DNAH10: variants seen among roughly 807,000 people sequenced by gnomAD.
DNAH10 encodes dynein axonemal heavy chain 10.
DNAH10 carries 348 observed loss-of-function variants against 506.6 expected under a neutral mutation model. The ratio of observed to expected loss-of-function variants is 0.69; its 90% confidence interval spans 0.63 to 0.75. DNAH10 has a LOEUF of 0.75. Among genes scored for constraint, DNAH10 ranks in the 30% least tolerant of loss-of-function variants. The pLI is 0.00. For synonymous variants in DNAH10, 2,059 were observed against 2,198.6 expected, an observed-to-expected ratio of 0.94 and a Z score of 1.78; for missense variants, 5,179 against 5,787.1, an observed-to-expected ratio of 0.89 and a Z score of 3.41.
At chr12:123,884,834 T>C (rs1463882546) in intron 51 of DNAH10, among the ~76,000 whole-genome samples, 2 of 152,144 alleles carry the variant, frequency 1.3e-5, no homozygotes, top group African/African-American at 4.8e-5. Flanking sequence ...CAGAAGCGTC[T>C]AAAAAAATAA....
intron 54 of DNAH10, among the ~76,000 whole-genome samples, chr12:123,896,195 A>AGT (rs1953236264): frequency 6.9e-6 from 1 of 144,008 alleles, no homozygotes; most frequent in Non-Finnish European, 1.5e-5. Flanking sequence ...AGAGAGAGAG[A>AGT]ATATATTCCC....
intron 1 of DNAH10, among the ~76,000 whole-genome samples, chr12:123,766,030 ATC>A (rs1205430767): frequency 6.6e-6 from 1 of 151,928 alleles, no homozygotes; most frequent in Non-Finnish European, 1.5e-5. Flanking sequence ...CTATACATCT[ATC>A]TCTGTCTATA....
intron 51 of DNAH10, chr12:123,882,115 C>G (rs951577964): frequency 7.7e-6 from 2 of 258,484 alleles, no homozygotes. Context: ...TCCCAATTAA[C>G]CCATCATAAA....
intron 21 of DNAH10, among the ~76,000 whole-genome samples, chr12:123,814,482 C>T (rs79815596): frequency 0.012 from 1,856 of 152,264 alleles, 35 homozygotes; most frequent in African/African-American, 0.041. Context: ...CACTAGGCTG[C>T]AAGGGTCCTG....
chr12:123,833,248 C>T lies in DNAH10; in HGVS notation c.4680C>T (p.Phe1560=). Residue 1560 remains phenylalanine (F), a synonymous_variant, in exon 27 of 79, where the codon TTC becomes TTT. Coordinates refer to ENST00000673944, the MANE Select transcript of DNAH10 (RefSeq NM_001372106.1). ...EIIQSLDDNT[F]NLQSISGSRF... Reference sequence around the variant, plus strand: ...TTCAGTCTCTTGATGACAACACTTTCAACCTGCAGAGCATCTCAGGAAGCA... The same window carrying T: ...TTCAGTCTCTTGATGACAACACTTTTAACCTGCAGAGCATCTCAGGAAGCA... 6.2e-7 allele frequency: 1 copy of T among 1,613,902 alleles called. No individual in the cohort carries two copies. Among genetic ancestry groups the T allele is most frequent in the Non-Finnish European group, 8.5e-7 (1 of 1,179,860 alleles).
Position 123,845,603 on chromosome 12 carries a change from C to G in DNAH10, c.5364C>G (p.Val1788=). The change falls in exon 31 of 79, where the codon GTC becomes GTG. Residue 1788 remains valine (V), a synonymous_variant. Transcript: ENST00000673944. Reference sequence around the variant, plus strand: ...TACAGGTGTGCGTTTTCTGCAGAGTCGACTGGATGCTCCTGTACCAGGGCA... The same window carrying G: ...TACAGGTGTGCGTTTTCTGCAGAGTGGACTGGATGCTCCTGTACCAGGGCA... ...IFRYCEDRSR[V]DWMLLYQGMV... 1 of 1,612,404 alleles carries G rather than the reference C, an allele frequency of 6.2e-7. No homozygotes were observed. The highest frequency in any genetic ancestry group is 8.5e-7 in the Non-Finnish European group (1 of 1,179,838).
In DNAH10 at chr12:123,902,069, G is replaced by T. The variant is rs1465538293; in HGVS notation, c.9641-870G>T. ...TAGGGGAAGCCTCTTCCAGCTTCTT[G>T]GGGTTGTTGGCAGCCCTTGGTATTC... On this transcript the variant is annotated intron_variant, in intron 56 of 78. Coordinates refer to ENST00000673944, the MANE Select transcript of DNAH10 (RefSeq NM_001372106.1). This position sits in a 1 kb window ranked among gnomAD's most constrained non-coding sequence, Gnocchi z 4.5. Among the ~76,000 whole-genome samples, 1 of 152,164 alleles carries T rather than the reference G, an allele frequency of 6.6e-6. No individual in the cohort carries two copies. Among genetic ancestry groups the T allele is most frequent in the East Asian group, 1.9e-4 (1 of 5,204 alleles).
At chr12:123,893,167 G>C in intron 52 of DNAH10, 66 bp from the exon 53 acceptor site, 1 of 1,498,300 alleles carries the variant, frequency 6.7e-7, no homozygotes, top group Non-Finnish European at 9.2e-7. Flanking sequence ...CCATCACTCA[G>C]TCAGCACTTA....
chr12:123,931,478 C>T lies in DNAH10; in HGVS notation c.12916+6C>T, dbSNP rs1418122952. 1.9e-6 allele frequency: 3 copies of T among 1,613,078 alleles called. No homozygotes were observed. In the African/African-American group the frequency reaches 4.0e-5, roughly 22 times the overall value. ...GGAGCTGCAGCCTCAGACAGGTAAA[C>T]TCTACTCAGGAGGACTTCATTAGTT... is the stretch of plus-strand genomic sequence containing the variant. On this transcript the variant is annotated splice_donor_region_variant and intron_variant, in intron 74 of 78. Transcript: ENST00000673944.
Position 123,833,294 on chromosome 12 carries a change from C to CA in DNAH10, c.4729dup (p.Thr1577AsnfsTer17), listed in dbSNP as rs1565964377. The CA allele has an allele frequency of 6.2e-7, 1 of 1,613,696 alleles. No homozygotes were observed. Among genetic ancestry groups the CA allele is most frequent in the Non-Finnish European group, 8.5e-7 (1 of 1,179,786 alleles). ...AAGCAGATTTGTGGGGCCTTTTCTG[C>CA]AAACTGTTCACAAATGGGAAAAAAC... On this transcript the variant is annotated frameshift_variant, in exon 27 of 79. Transcript: ENST00000673944. LOFTEE classifies it high-confidence loss of function.
chr12:123,909,382 C>T lies in DNAH10; in HGVS notation c.9937C>T (p.Arg3313Trp). 3.7e-6 allele frequency: 6 copies of T among 1,610,938 alleles called. No homozygotes were observed. Among genetic ancestry groups the T allele is most frequent in the Non-Finnish European group, 5.1e-6 (6 of 1,178,624 alleles). The part of the protein sequence containing the change: ...KGVMSDPNFL[R>W]SLMEIDFDSI... Reference sequence around the variant, plus strand: ...CGTGATGTCCGACCCGAATTTCCTGCGGTCTCTGATGGAGATTGATTTTGA... The same window carrying T: ...CGTGATGTCCGACCCGAATTTCCTGTGGTCTCTGATGGAGATTGATTTTGA... Residue 3313 changes from arginine to tryptophan, a missense_variant, in exon 58 of 79, where the codon CGG becomes TGG. Coordinates refer to ENST00000673944, the MANE Select transcript of DNAH10 (RefSeq NM_001372106.1). This position sits in a 1 kb window ranked among gnomAD's most constrained non-coding sequence, Gnocchi z 5.4.
At chr12:123,783,820 G>A (rs1279141169) in intron 7 of DNAH10, 127 bp from the exon 8 acceptor site, 6 of 810,794 alleles carry the variant, frequency 7.4e-6, no homozygotes, top group Non-Finnish European at 1.2e-5. Flanking sequence ...AGGGTCAAGA[G>A]CCCACCCCTG....
At chr12:123,804,078 G>T (rs539300788) in intron 17 of DNAH10, among the ~76,000 whole-genome samples, 1 of 152,028 alleles carries the variant, frequency 6.6e-6, no homozygotes, top group South Asian at 2.1e-4. Flanking sequence ...TTTTTTCTGA[G>T]ACGAGGGCTC....
chr12:123,924,752 A>T (rs1338681357), intron 67 of DNAH10, among the ~76,000 whole-genome samples: 1 of 150,740 alleles, frequency 6.6e-6, no homozygotes, highest in African/African-American at 2.5e-5. Flanking sequence ...CCATCCATCC[A>T]TGCACCCACT....
At chr12:123,768,117 TCTCCTCCTC>T (rs747242172) in intron 2 of DNAH10, among the ~76,000 whole-genome samples, 2 of 150,466 alleles carry the variant, frequency 1.3e-5, no homozygotes, top group South Asian at 2.1e-4. Flanking sequence ...GTGTGTCCTC[TCTCCTCCTC>T]CTCCTCCTCC....
chr12:123,813,900 G>GTATA lies in DNAH10; in HGVS notation c.3769_3772dup (p.Asn1258IlefsTer2). The GTATA allele has an allele frequency of 1.9e-6, 3 of 1,583,382 alleles. No individual in the cohort carries two copies. The highest frequency in any genetic ancestry group is 2.6e-6 in the Non-Finnish European group (3 of 1,171,368). ...AGGAGCGATACCGTACCATGGCAAT[G>GTATA]TATAACCTCTTTGTAAGTCAACTTG... On this transcript the variant is annotated frameshift_variant, in exon 21 of 79. Coordinates refer to ENST00000673944, the MANE Select transcript of DNAH10 (RefSeq NM_001372106.1). LOFTEE classifies it high-confidence loss of function.
intron 11 of DNAH10, among the ~76,000 whole-genome samples, chr12:123,793,177 A>G (rs994487276): frequency 2.0e-4 from 31 of 152,064 alleles, no homozygotes; most frequent in Non-Finnish European, 4.6e-4. Flanking sequence ...AAGGTGAGAA[A>G]GGGATTCCCT....
intron 2 of DNAH10, among the ~76,000 whole-genome samples, chr12:123,768,220 C>T (rs893712680): frequency 2.2e-4 from 33 of 152,048 alleles, no homozygotes; most frequent in African/African-American, 7.2e-5. Context: ...CTGCAACCTC[C>T]GCCTCCCAGG....
rs760229533 is a variant in DNAH10 at position 123,787,815 on chromosome 12, C to T, written c.1433C>T (p.Ala478Val). The change falls in exon 10 of 79, where the codon GCG (alanine) becomes GTG (valine). Residue 478 changes from alanine (A) to valine (V), a missense_variant. By Grantham distance (64) the Ala-to-Val change is moderately conservative. Around this residue, in one of 3 missense-constraint regions of DNAH10, gnomAD observed 4,844 missense variants for 5,430.5 expected, o/e 0.89. Coordinates refer to ENST00000673944, the MANE Select transcript of DNAH10 (RefSeq NM_001372106.1). The surrounding 1 kb of genome is among the most constrained non-coding windows in gnomAD (Gnocchi z 4.6). ...TCTTGGCTTCGCAGAGAAAATCGAGCGAGTGCCCAAAGCAAAACCTTGGAA... is the reference window on the plus strand; with the variant it reads ...TCTTGGCTTCGCAGAGAAAATCGAGTGAGTGCCCAAAGCAAAACCTTGGAA... Reference protein sequence around the residue: ...NLRTLFKENRASAQSKTLEAR... With the variant: ...NLRTLFKENRVSAQSKTLEAR... 1.6e-5 allele frequency: 26 copies of T among 1,613,628 alleles called. No individual in the cohort carries two copies. In the South Asian group the frequency reaches 1.8e-4, roughly 11 times the overall value.
Sources: gnomAD v4.1 joint callset for allele counts (sites outside exome capture counted in the v4.1 genomes callset) on GRCh38, gnomAD v4.1.1 for gene constraint, gnomAD v4.1.1 regional missense constraint, Gnocchi (gnomAD v3.1) non-coding constraint, MANE v1.5 for transcripts, NCBI Gene and HGNC (gene_info 2026-07-23, HGNC 2026-07-21) for gene names.